NOTCH3: variants seen among roughly 807,000 people sequenced by gnomAD.
NOTCH3 encodes notch receptor 3, also known as neurogenic locus notch homolog protein 3.
Under a neutral mutation model 213.3 loss-of-function variants are expected in NOTCH3, and 86 were observed. The observed-to-expected ratio is 0.40, with a 90% CI of 0.34 to 0.48. The LOEUF (loss-of-function observed/expected upper bound fraction) is 0.48, where lower values mean the gene tolerates loss of function less well. Among genes scored for constraint, NOTCH3 ranks in the 20% least tolerant of loss-of-function variants. The probability of loss-of-function intolerance (pLI) is 0.57; values close to 1 mark genes in which losing one functional copy is unlikely to be tolerated. For synonymous variants in NOTCH3, 1,354 were observed against 1,355.9 expected, an observed-to-expected ratio of 1.00 and a Z score of 0.03; for missense variants, 2,783 against 3,272.6, an observed-to-expected ratio of 0.85 and a Z score of 3.65.
rs748672364 is a variant in NOTCH3 at position 15,159,483 on chromosome 19, G to A, written c.*1179C>T. The A allele has an allele frequency of 2.1e-5, 4 of 192,384 alleles. No homozygotes were observed. Among genetic ancestry groups the A allele is most frequent in the East Asian group, 8.2e-5 (1 of 12,188 alleles). 11.9% of individuals were successfully genotyped at this position (192,384 alleles called of 1,614,324 possible). ...TCAGGTGACAACCACTAATCCAATC[G>A]GTAGTCATCTGCCAAAAGAGGAAGC... On this transcript the variant is annotated 3_prime_UTR_variant, in exon 33 of 33. Transcript: ENST00000263388.
At chr19:15,187,740 T>C (rs920710983) in intron 10 of NOTCH3, 141 bp downstream of exon 10, 12 of 732,222 alleles carry the variant, frequency 1.6e-5, no homozygotes, top group African/African-American at 8.7e-5. Flanking sequence ...ATATGCATTA[T>C]TGGCTCCACC....
At chr19:15,197,441 G>GGGGCGC in intron 2 of NOTCH3, 59 bp downstream of exon 2, 8 of 768,360 alleles carry the variant, frequency 1.0e-5, no homozygotes, top group Non-Finnish European at 1.8e-5. Flanking sequence ...AAGACAAATC[G>GGGGCGC]CCCCTCCCCC....
At chr19:15,188,417 G>GTCAATGGCTTCAGCTGCACCTGCCCCTC in intron 8 of NOTCH3, 69 bp from the exon 9 acceptor site, 1 of 970,974 alleles carries the variant, frequency 1.0e-6, no homozygotes, top group Non-Finnish European at 1.6e-6. Flanking sequence ...CAAGGAAGGA[G>GTCAATGGCTTCAGCTGCACCTGCCCCTC]GTACTTCCCT....
chr19:15,180,867 G>C, intron 18 of NOTCH3, 39 bp from the exon 19 acceptor site: 8 of 1,608,780 alleles, frequency 5.0e-6, no homozygotes, highest in Non-Finnish European at 6.8e-6. Flanking sequence ...TGTGGGGTGG[G>C]GGGTAGTCTG....
At chr19:15,199,701 T>G (rs1000769272) in intron 1 of NOTCH3, among the ~76,000 whole-genome samples, 1 of 152,174 alleles carries the variant, frequency 6.6e-6, no homozygotes, top group Non-Finnish European at 1.5e-5. Flanking sequence ...TCACAGGCCA[T>G]GTGTGTGCGC....
At position 15,189,102 on chromosome 19, in the gene NOTCH3, C is replaced by G; in HGVS notation, c.1265G>C (p.Gly422Ala). 6.2e-7 allele frequency: 1 copy of G among 1,613,288 alleles called. No homozygotes were observed. The highest frequency in any genetic ancestry group is 8.5e-7 in the Non-Finnish European group (1 of 1,180,032). ...GGTCTCACAGCGAGGTCCAGTGTAGCCACGACCGCACTGGCACAGGAAGGA... is the reference window on the plus strand; with the variant it reads ...GGTCTCACAGCGAGGTCCAGTGTAGGCACGACCGCACTGGCACAGGAAGGA... ...QGSFLCQCGR[G>A]YTGPRCETDV... is the part of the protein sequence containing the mutation. Residue 422 changes from glycine (G) to alanine (A), a missense_variant, in exon 8 of 33, where the codon GGC becomes GCC. Physicochemically the swap from Gly to Ala is moderately conservative, Grantham distance 60. Coordinates refer to ENST00000263388, the MANE Select transcript of NOTCH3 (RefSeq NM_000435.3).
In NOTCH3 at chr19:15,180,571, A is replaced by G. The variant is rs532847970; in HGVS notation, c.3142+110T>C. On this transcript the variant is annotated intron_variant, in intron 19 of 32. Transcript: ENST00000263388. ...CCCACACCACTCAGCCACACACCCC[A>G]TCATGCCCCATAGGCTCTGTGGCAC... 39 of 1,310,972 alleles carry G rather than the reference A, an allele frequency of 3.0e-5. 1 individual carries two copies. The East Asian group carries it at 9.3e-4, about 31-fold the overall frequency. The allele number at this position is 1,310,972 out of a possible 1,614,324, so 81.2% of individuals were successfully genotyped here.
chr19:15,189,956 C>G lies in NOTCH3; in HGVS notation c.1037-528G>C, dbSNP rs1421582352. ...TTCAACTATTGTTAGCTTAATCTAC[C>G]AATCTTCTTTTCTAAACCATTTAAA... On this transcript the variant is annotated intron_variant, in intron 6 of 32. Coordinates refer to ENST00000263388, the MANE Select transcript of NOTCH3 (RefSeq NM_000435.3). Among the ~76,000 whole-genome samples the G allele has an allele frequency of 3.3e-5, 5 of 152,216 alleles. No homozygotes were observed. In the South Asian group the frequency reaches 6.2e-4, roughly 19 times the overall value.
At chr19:15,170,878 C>G in intron 25 of NOTCH3, 53 bp from the exon 26 acceptor site, 1 of 1,592,870 alleles carries the variant, frequency 6.3e-7, no homozygotes, top group Non-Finnish European at 8.6e-7. Flanking sequence ...CCGATGCACC[C>G]CCTGGTACCA....
At chr19:15,173,955 C>T in intron 25 of NOTCH3, 113 bp downstream of exon 25, 3 of 913,670 alleles carry the variant, frequency 3.3e-6, no homozygotes, top group Non-Finnish European at 4.8e-6. Context: ...GGAGGCGGTG[C>T]TCCTGACATC....
chr19:15,173,060 T>TTCTTCTTCCTCTTCC (rs2046749985), intron 25 of NOTCH3, among the ~76,000 whole-genome samples: 3 of 1,698 alleles, frequency 1.8e-3, no homozygotes, highest in Non-Finnish European at 3.4e-3. Context: ...CTCCCTCTTC[T>TTCTTCTTCCTCTTCC]TCTTCTTCTT....
At position 15,189,579 on chromosome 19, in the gene NOTCH3, C is replaced by T. The variant is rs990521890; in HGVS notation, c.1037-151G>A. 13 of 929,580 alleles carry T rather than the reference C, an allele frequency of 1.4e-5. No individual in the cohort carries two copies. The Admixed American group carries it at 2.2e-4, about 16-fold the overall frequency. The allele number at this position is 929,580 out of a possible 1,614,324, so 57.6% of individuals were successfully genotyped here. A position where few individuals can be genotyped will look rare whatever the true frequency, so the allele number is the denominator to read the frequency against. ...TGTTGCCCAAGCTGGAGTACAATAG[C>T]GCGATCTTGGCTCACTGTAACCTCC... On this transcript the variant is annotated intron_variant, in intron 6 of 32. Coordinates refer to ENST00000263388, the MANE Select transcript of NOTCH3 (RefSeq NM_000435.3).
intron 16 of NOTCH3, 64 bp from the exon 17 acceptor site, chr19:15,181,865 A>C: frequency 7.4e-7 from 1 of 1,358,028 alleles, no homozygotes; most frequent in Non-Finnish European, 1.0e-6. Context: ...TCTGACTGGG[A>C]TATGCCTTGG....
At position 15,174,373 on chromosome 19, in the gene NOTCH3, G is replaced by GTCGGCGCAGTACT. The variant is rs2046769414; in HGVS notation, c.4418_4430dup (p.Asp1477GlufsTer90). The GTCGGCGCAGTACT allele has an allele frequency of 6.5e-7, 1 of 1,543,190 alleles. No homozygotes were observed. On this transcript the variant is annotated frameshift_variant, in exon 25 of 33. Transcript: ENST00000263388. LOFTEE classifies it high-confidence loss of function. ...GGTCGCAGCGGCCGTCGGCAAAGTG[G>GTCGGCGCAGTACT]TCGGCGCAGTACTTCTCGTACACCG...
At chr19:15,179,567 AC>A in intron 20 of NOTCH3, 71 bp from the exon 21 acceptor site, 1 of 1,532,536 alleles carries the variant, frequency 6.5e-7, no homozygotes, top group East Asian at 2.3e-5. Flanking sequence ...ACCCATGAAG[AC>A]GCAAAGAACC....
chr19:15,185,003 G>A lies in NOTCH3; in HGVS notation c.2313C>T (p.Leu771=). 1 of 1,518,850 alleles carries A rather than the reference G, an allele frequency of 6.6e-7. No homozygotes were observed. The highest frequency in any genetic ancestry group is 8.9e-7 in the Non-Finnish European group (1 of 1,123,818). 94.1% of individuals were successfully genotyped at this position (1,518,850 alleles called of 1,614,324 possible). A position where few individuals can be genotyped will look rare whatever the true frequency, so the allele number is the denominator to read the frequency against. Reference sequence around the variant, plus strand: ...AGGGGTTCGGGGTGCAGGGGGAGAGGAGTTCACACTGACGTCCTGTTGGGG... The same window carrying A: ...AGGGGTTCGGGGTGCAGGGGGAGAGAAGTTCACACTGACGTCCTGTTGGGG... ...PPGVQGRQCE[L]LSPCTPNPCE... The change falls in exon 15 of 33, where the codon CTC becomes CTT. Residue 771 remains leucine, a synonymous_variant. Coordinates refer to ENST00000263388, the MANE Select transcript of NOTCH3 (RefSeq NM_000435.3). The surrounding 1 kb of genome is among the most constrained non-coding windows in gnomAD (Gnocchi z 4.2).
chr19:15,177,312 G>C (rs2046799460), intron 24 of NOTCH3, among the ~76,000 whole-genome samples: 1 of 151,960 alleles, frequency 6.6e-6, no homozygotes, highest in Non-Finnish European at 1.5e-5. Context: ...GCAGAGAAGT[G>C]CATAGGCAGA....
At chr19:15,196,165 G>A (rs1368843635) in intron 2 of NOTCH3, among the ~76,000 whole-genome samples, 5 of 151,814 alleles carry the variant, frequency 3.3e-5, no homozygotes, top group Non-Finnish European at 7.4e-5. Context: ...GCTCCACTCC[G>A]GGCGATCCGG....
chr19:15,178,439 G>A, intron 23 of NOTCH3: 1 of 435,642 alleles, frequency 2.3e-6, no homozygotes, highest in South Asian at 2.4e-5. Flanking sequence ...CCAGGCTGGA[G>A]TGCAATGGCG....
Sources: allele counts gnomAD v4.1 joint callset (sites outside exome capture counted in the v4.1 genomes callset), GRCh38; gene constraint gnomAD v4.1.1; non-coding constraint Gnocchi (gnomAD v3.1); transcripts MANE v1.5; gene names NCBI Gene and HGNC (gene_info 2026-07-23, HGNC 2026-07-21).